Variants in LRRC42 observed in about 807,000 individuals in gnomAD.
LRRC42 encodes leucine-rich repeat-containing protein 42.
LRRC42 carries 43 observed loss-of-function variants against 44.3 expected under a neutral mutation model. The observed-to-expected ratio is 0.97, with a 90% CI of 0.76 to 1.25. The LOEUF is 1.25. LRRC42 is among the 50% of genes most tolerant of loss of function. The pLI is 0.00. For synonymous variants in LRRC42, 207 were observed against 195.2 expected (o/e 1.06, Z -0.50); for missense variants, 540 against 509.1 (o/e 1.06, Z -0.58).
Position 53,960,353 on chromosome 1 carries a change from TA to T in LRRC42, c.606-2del. ...AATTTATGTATGTACTTTGTTTCCCTAGTGTAACTCAGCTCCACCTGAAGGA... is the reference window on the plus strand; with the variant it reads ...AATTTATGTATGTACTTTGTTTCCCTGTGTAACTCAGCTCCACCTGAAGGA... On this transcript the variant is annotated splice_acceptor_variant, in intron 4 of 8. Coordinates refer to ENST00000371370, the MANE Select transcript of LRRC42 (RefSeq NM_001256409.2). LOFTEE classifies it high-confidence loss of function. The T allele has an allele frequency of 6.2e-7, 1 of 1,601,488 alleles. No homozygotes were observed. Among genetic ancestry groups the T allele is most frequent in the Non-Finnish European group, 8.5e-7 (1 of 1,173,256 alleles).
intron 7 of LRRC42, 82 bp downstream of exon 7, chr1:53,962,491 A>G (rs1569844842): frequency 2.3e-6 from 2 of 856,982 alleles, no homozygotes; most frequent in Middle Eastern, 2.2e-4. Flanking sequence ...TTGAATAAAC[A>G]GTAATCCACT....
At chr1:53,962,555 G>T in intron 7 of LRRC42, 146 bp downstream of exon 7, 1 of 635,026 alleles carries the variant, frequency 1.6e-6, no homozygotes, top group Non-Finnish European at 2.8e-6. Flanking sequence ...ACACTGATGG[G>T]CTATAACTGG....
intron 3 of LRRC42, 81 bp downstream of exon 3, chr1:53,952,553 G>A: frequency 8.5e-7 from 1 of 1,174,038 alleles, no homozygotes; most frequent in Non-Finnish European, 1.2e-6. Flanking sequence ...GGGCTCAGGG[G>A]CTTCCCTCAT....
At chr1:53,947,352 TG>T (rs1188534588) in intron 1 of LRRC42, among the ~76,000 whole-genome samples, 2 of 151,658 alleles carry the variant, frequency 1.3e-5, no homozygotes, top group African/African-American at 4.9e-5. Context: ...GGCATGTTCT[TG>T]GAGGGAAGTA....
rs374943679 is a variant in LRRC42 at position 53,960,911 on chromosome 1, A to G, written c.724+437A>G. ...ACCAGATATTGACTCCAATGGTAAGAGGTTGACAGAGATCATTTACAATTT... is the reference window on the plus strand; with the variant it reads ...ACCAGATATTGACTCCAATGGTAAGGGGTTGACAGAGATCATTTACAATTT... On this transcript the variant is annotated intron_variant, in intron 5 of 8. Coordinates refer to ENST00000371370, the MANE Select transcript of LRRC42 (RefSeq NM_001256409.2). 5.3e-5 allele frequency among the ~76,000 whole-genome samples: 8 copies of G among 152,324 alleles called. No homozygotes were observed. The East Asian group carries it at 9.6e-4, about 18-fold the overall frequency.
intron 4 of LRRC42, 148 bp downstream of exon 4, chr1:53,958,428 T>C (rs2100925643): frequency 9.6e-7 from 1 of 1,040,190 alleles, no homozygotes; most frequent in East Asian, 2.6e-5. Context: ...CTCCATTTAC[T>C]TGGTATAAGC....
At chr1:53,950,398 T>A (rs1338193332) in intron 2 of LRRC42, among the ~76,000 whole-genome samples, 1 of 152,234 alleles carries the variant, frequency 6.6e-6, no homozygotes, top group African/African-American at 2.4e-5. Context: ...TCTCATGTGC[T>A]TTTATACACA....
rs780294958 is a variant in LRRC42 at position 53,962,388 on chromosome 1, G to A, written c.906G>A (p.Lys302=). The change falls in exon 7 of 9, where the codon AAG becomes AAA. Residue 302 remains lysine (K), a synonymous_variant. Transcript: ENST00000371370. ...AGGAATTTGATCATAGTAACTGCAA[G>A]ACAGAGGGCTGGGCTGACCAGGTAC... The part of the protein sequence containing the change: ...PLKEFDHSNC[K]TEGWADQIVL... 6.2e-7 allele frequency: 1 copy of A among 1,613,278 alleles called. No homozygotes were observed. Among genetic ancestry groups the A allele is most frequent in the Non-Finnish European group, 8.5e-7 (1 of 1,179,188 alleles).
rs1240580132 is a variant in LRRC42, at chr1:53,952,482, C to G, written c.473+10C>G. ...TGTGTTTGCGAAACAGGTGGGTGTT[C>G]TGATTAGATTATTCGGTATTTTATT... On this transcript the variant is annotated intron_variant, in intron 3 of 8. Coordinates refer to ENST00000371370, the MANE Select transcript of LRRC42 (RefSeq NM_001256409.2). 1 of 1,577,862 alleles carries G rather than the reference C, an allele frequency of 6.3e-7. No individual in the cohort carries two copies. Among genetic ancestry groups the G allele is most frequent in the African/African-American group, 1.4e-5 (1 of 73,798 alleles).
chr1:53,954,884 A>G (rs1291863871), intron 3 of LRRC42, among the ~76,000 whole-genome samples: 1 of 152,240 alleles, frequency 6.6e-6, no homozygotes, highest in Non-Finnish European at 1.5e-5. Context: ...TGTTTGACCC[A>G]TTAATTCTAC....
intron 3 of LRRC42, among the ~76,000 whole-genome samples, chr1:53,952,955 C>T (rs571145525): frequency 6.6e-6 from 1 of 152,318 alleles, no homozygotes; most frequent in Non-Finnish European, 1.5e-5. Context: ...ACACTAAGGT[C>T]TGTGGTCTTA....
At chr1:53,951,717 G>A (rs1047048444) in intron 2 of LRRC42, among the ~76,000 whole-genome samples, 2 of 152,164 alleles carry the variant, frequency 1.3e-5, no homozygotes, top group African/African-American at 4.8e-5. Flanking sequence ...GAGCTAATGC[G>A]TCCGGCCTTG....
rs201223513 is a variant in LRRC42, at chr1:53,957,905, C to CATTTATTTATTTATTTATTT, written c.474-236_474-217dup. On this transcript the variant is annotated intron_variant, in intron 3 of 8. Transcript: ENST00000371370. ...CTTGTGACTTTCCTTTGCTAATATA[C>CATTTATTTATTTATTTATTT]ATTTATTTATTTATTTATTTATTTA... 7.9e-5 allele frequency among the ~76,000 whole-genome samples: 12 copies of CATTTATTTATTTATTTATTT among 152,120 alleles called. 1 individual carries two copies. Among genetic ancestry groups the CATTTATTTATTTATTTATTT allele is most frequent in the African/African-American group, 2.9e-4 (12 of 41,470 alleles).
intron 4 of LRRC42, 118 bp downstream of exon 4, chr1:53,958,398 T>A (rs1654903534): frequency 7.4e-7 from 1 of 1,343,720 alleles, no homozygotes. Flanking sequence ...TTTGCTTTTT[T>A]TTCCTAAAAC....
intron 1 of LRRC42, 121 bp downstream of exon 1, chr1:53,946,670 G>A (rs1286406885): frequency 6.6e-6 from 1 of 151,944 alleles, no homozygotes; most frequent in African/African-American, 2.4e-5. Context: ...GGCGGGGCGC[G>A]GGTTGAGGGG....
chr1:53,948,572 C>T (rs568614961), intron 2 of LRRC42, among the ~76,000 whole-genome samples: 2 of 152,294 alleles, frequency 1.3e-5, no homozygotes, highest in East Asian at 3.9e-4. Flanking sequence ...CTGTAGCAGG[C>T]TGGGAAACTA....
chr1:53,952,950 A>G (rs746102286), intron 3 of LRRC42, among the ~76,000 whole-genome samples: 6 of 152,218 alleles, frequency 3.9e-5, no homozygotes, highest in Non-Finnish European at 7.3e-5. Flanking sequence ...TCCCAACACT[A>G]AGGTCTGTGG....
intron 8 of LRRC42, 135 bp from the exon 9 acceptor site, chr1:53,967,530 A>T: frequency 1.2e-6 from 1 of 820,388 alleles, no homozygotes; most frequent in Non-Finnish European, 2.0e-6. Flanking sequence ...CTCACAGGGC[A>T]CTCAAGGCAA....
At chr1:53,963,491 C>T (rs1373882411) in intron 7 of LRRC42, among the ~76,000 whole-genome samples, 1 of 152,226 alleles carries the variant, frequency 6.6e-6, no homozygotes, top group Non-Finnish European at 1.5e-5. Context: ...CAACCTAAAG[C>T]AACTTTCAGT....
Sources: gnomAD v4.1 joint callset for allele counts (sites outside exome capture counted in the v4.1 genomes callset) on GRCh38, gnomAD v4.1.1 for gene constraint, MANE v1.5 for transcripts, NCBI Gene and HGNC (gene_info 2026-07-23, HGNC 2026-07-21) for gene names.